The following SRGAP2C variants were observed in gnomAD, a reference collection of about 807,000 sequenced individuals.
The protein encoded by SRGAP2C is SLIT-ROBO Rho GTPase activating protein 2C, also known as SLIT-ROBO Rho GTPase-activating protein 2C.
In SRGAP2C, 15 loss-of-function variants were observed where a neutral mutation model predicts 25.1. The observed-to-expected ratio is 0.60, with a 90% CI of 0.40 to 0.92. The LOEUF (loss-of-function observed/expected upper bound fraction) is 0.92, where lower values mean the gene tolerates loss of function less well. SRGAP2C is among the 40% of genes least tolerant of loss of function. The pLI is 0.00. For synonymous variants in SRGAP2C, 44 were observed against 96.6 expected, an observed-to-expected ratio of 0.46 and a Z score of 3.19; for missense variants, 144 against 264.4, an observed-to-expected ratio of 0.54 and a Z score of 3.16.
At chr1:121,231,696 C>T (rs1473325026) in intron 2 of SRGAP2C, among the ~76,000 whole-genome samples, 1 of 148,834 alleles carries the variant, frequency 6.7e-6, no homozygotes, top group African/African-American at 2.5e-5. Flanking sequence ...AATAACAGAG[C>T]CTAGAGAAAG....
intron 2 of SRGAP2C, among the ~76,000 whole-genome samples, chr1:121,218,565 C>A (rs1303287940): frequency 7.3e-6 from 1 of 137,490 alleles, no homozygotes; most frequent in Non-Finnish European, 1.5e-5. Context: ...CATGGTGAAA[C>A]CCCGTCTCTA....
intron 3 of SRGAP2C, among the ~76,000 whole-genome samples, chr1:121,307,267 C>T (rs1274345654): frequency 6.7e-6 from 1 of 148,860 alleles, no homozygotes; most frequent in African/African-American, 2.5e-5. Flanking sequence ...ATCCAGGCTA[C>T]TTTTTTCTGT....
At chr1:121,195,741 C>T (rs1227278872) in intron 2 of SRGAP2C, among the ~76,000 whole-genome samples, 7 of 150,162 alleles carry the variant, frequency 4.7e-5, no homozygotes, top group African/African-American at 1.7e-4. Flanking sequence ...AACACATAGA[C>T]TACTAGCTAA....
chr1:121,237,417 C>T (rs1392237675), intron 2 of SRGAP2C, among the ~76,000 whole-genome samples: 22 of 152,102 alleles, frequency 1.4e-4, no homozygotes, highest in African/African-American at 4.1e-4. Flanking sequence ...CTCAGAGTAG[C>T]GTGTAGAGTG....
chr1:121,299,460 C>A (rs1657657289), intron 3 of SRGAP2C, among the ~76,000 whole-genome samples: 2 of 88,852 alleles, frequency 2.3e-5, no homozygotes, highest in South Asian at 3.4e-4. Context: ...ACTGTCGTTG[C>A]TCCTTGGGTT....
intron 3 of SRGAP2C, 41 bp downstream of exon 3, chr1:121,285,036 A>G (rs1165963286): frequency 2.0e-6 from 2 of 978,764 alleles, no homozygotes. Flanking sequence ...ACCTTGGAAT[A>G]TGGGGTCCAG....
At chr1:121,359,595 C>A (rs1343177066) in intron 4 of SRGAP2C, among the ~76,000 whole-genome samples, 1 of 152,102 alleles carries the variant, frequency 6.6e-6, no homozygotes. Flanking sequence ...TCAGTGAGAT[C>A]CCATCTCTAC....
intron 5 of SRGAP2C, among the ~76,000 whole-genome samples, chr1:121,370,370 T>C (rs868955631): frequency 6.9e-6 from 1 of 145,188 alleles, no homozygotes; most frequent in Non-Finnish European, 1.5e-5. Context: ...TCTAACAGAA[T>C]AAACCTCTCA....
At chr1:121,275,163 G>A (rs1553335936) in intron 2 of SRGAP2C, among the ~76,000 whole-genome samples, 1 of 124,252 alleles carries the variant, frequency 8.0e-6, no homozygotes, top group Non-Finnish European at 1.7e-5. Flanking sequence ...AAATATTTTT[G>A]CATTTAGTCC....
intron 4 of SRGAP2C, among the ~76,000 whole-genome samples, chr1:121,365,062 C>G (rs587657347): frequency 1.2e-5 from 1 of 81,846 alleles, no homozygotes; most frequent in African/African-American, 4.4e-5. Flanking sequence ...AGGCTACCAC[C>G]CTTTTTCCCT....
rs1216180161 is a variant in SRGAP2C at position 121,295,501 on chromosome 1, T to A, written c.260+10506T>A. Among the ~76,000 whole-genome samples the A allele has an allele frequency of 2.9e-3, 445 of 151,868 alleles. 2 individuals are homozygous for A. Among genetic ancestry groups the A allele is most frequent in the Non-Finnish European group, 4.8e-3 (329 of 67,962 alleles). ...TTAGCAAATATATATCTTCTTACCATGTGCCAGACACATGCCAGATACCCA... is the reference window on the plus strand; with the variant it reads ...TTAGCAAATATATATCTTCTTACCAAGTGCCAGACACATGCCAGATACCCA... On this transcript the variant is annotated intron_variant, in intron 3 of 9. Transcript: ENST00000367123.
intron 3 of SRGAP2C, among the ~76,000 whole-genome samples, chr1:121,305,300 G>A (rs1267330162): frequency 2.1e-5 from 3 of 141,066 alleles, no homozygotes; most frequent in Non-Finnish European, 3.1e-5. Flanking sequence ...TAAGACCTTA[G>A]GATAATGTTG....
chr1:121,296,268 G>A (rs1657597435), intron 3 of SRGAP2C, among the ~76,000 whole-genome samples: 4 of 152,252 alleles, frequency 2.6e-5, no homozygotes, highest in Admixed American at 6.5e-5. Context: ...TGCACAGAGA[G>A]GGGATGGTTG....
intron 2 of SRGAP2C, among the ~76,000 whole-genome samples, chr1:121,191,917 T>C (rs1334569293): frequency 1.3e-5 from 2 of 148,390 alleles, no homozygotes; most frequent in African/African-American, 2.5e-5. Flanking sequence ...TTTTTTTTAA[T>C]GTCTTAAGAG....
intron 2 of SRGAP2C, among the ~76,000 whole-genome samples, chr1:121,265,147 C>T (rs587754643): frequency 7.5e-5 from 10 of 132,988 alleles, no homozygotes; most frequent in East Asian, 4.3e-4. Flanking sequence ...CGCAGTGAGC[C>T]GAGATCATGC....
chr1:121,377,250 G>T (rs1477541806), intron 7 of SRGAP2C, among the ~76,000 whole-genome samples: 3 of 88,332 alleles, frequency 3.4e-5, no homozygotes, highest in South Asian at 3.6e-4. Flanking sequence ...TAGTAATAAA[G>T]TTTCTCATGT....
rs1175193461 is a variant in SRGAP2C at position 121,284,928 on chromosome 1, C to T, written c.193C>T (p.Arg65Cys). Residue 65 changes from arginine (R) to cysteine (C), a missense_variant, in exon 3 of 10, where the codon CGC becomes TGC. Arg to Cys is a radical substitution (Grantham distance 180). Coordinates refer to ENST00000367123, the MANE Select transcript of SRGAP2C (RefSeq NM_001329984.2). The part of the protein sequence containing the change: ...KKAEIEMDYS[R>C]NLEKLAEHFL... ...GGCAGAGATTGAGATGGACTACTCC[C>T]GCAACCTGGAGAAGCTGGCAGAACA... The T allele has an allele frequency of 3.4e-5, 53 of 1,546,728 alleles. 4 individuals are homozygous for T. Among genetic ancestry groups the T allele is most frequent in the South Asian group, 1.1e-4 (9 of 83,906 alleles).
At chr1:121,303,671 T>TAC (rs1389492941) in intron 3 of SRGAP2C, among the ~76,000 whole-genome samples, 4 of 147,662 alleles carry the variant, frequency 2.7e-5, no homozygotes, top group Admixed American at 2.0e-4. Flanking sequence ...CATAGACACA[T>TAC]ACACACACAC....
intron 8 of SRGAP2C, among the ~76,000 whole-genome samples, chr1:121,386,040 G>A (rs1175248768): frequency 4.4e-5 from 4 of 91,270 alleles, no homozygotes; most frequent in Non-Finnish European, 8.9e-5. Flanking sequence ...TCTCAAGCAT[G>A]GCCTGGATTT....
Sources: gnomAD v4.1 joint callset for allele counts (sites outside exome capture counted in the v4.1 genomes callset) on GRCh38, gnomAD v4.1.1 for gene constraint, MANE v1.5 for transcripts, NCBI Gene and HGNC (gene_info 2026-07-23, HGNC 2026-07-21) for gene names.